SLC14A2: variants seen among roughly 807,000 people sequenced by gnomAD.
SLC14A2 encodes urea transporter 2.
Under a neutral mutation model 104.6 loss-of-function variants are expected in SLC14A2, and 91 were observed. That is an observed-to-expected ratio of 0.87 (90% CI 0.73 to 1.04). The LOEUF (loss-of-function observed/expected upper bound fraction) is 1.04, where lower values mean the gene tolerates loss of function less well. Ranked by LOEUF, SLC14A2 falls within the 50% of genes least tolerant of loss-of-function variation. SLC14A2 has a pLI of 0.00. For synonymous variants in SLC14A2, 476 were observed against 466.4 expected (o/e 1.02, Z -0.27); for missense variants, 1,189 against 1,156.0 (o/e 1.03, Z -0.41).
rs753899898 is a variant in SLC14A2 at position 45,632,415 on chromosome 18, T to C, written c.587T>C (p.Phe196Ser). 9 of 1,613,964 alleles carry C rather than the reference T, an allele frequency of 5.6e-6. No individual in the cohort carries two copies. The Admixed American group carries it at 1.5e-4, about 27-fold the overall frequency. The change falls in exon 5 of 20, where the codon TTC (phenylalanine) becomes TCC (serine). Residue 196 changes from phenylalanine (F) to serine (S), a missense_variant. By Grantham distance (155) the Phe-to-Ser change is radical. Coordinates refer to ENST00000255226, the MANE Select transcript of SLC14A2 (RefSeq NM_007163.4). The part of the protein sequence containing the change: ...GMLVGLLMAV[F>S]SEKLDYYWWL... Reference sequence around the variant, plus strand: ...CTGGTGGGACTGCTGATGGCCGTGTTCTCGGAGAAGTTAGACTACTACTGG... The same window carrying C: ...CTGGTGGGACTGCTGATGGCCGTGTCCTCGGAGAAGTTAGACTACTACTGG...
chr18:45,183,906 A>ATTT, the SLC14A2 span, among the ~76,000 whole-genome samples: 497 of 62,714 alleles, frequency 7.9e-3, 98 homozygotes, highest in Admixed American at 0.023. Flanking sequence ...TAATTTTCTA[A>ATTT]TTTTTTTTTT....
At chr18:45,393,523 G>C (rs2085995106) in intron 1 of SLC14A2, among the ~76,000 whole-genome samples, 1 of 152,148 alleles carries the variant, frequency 6.6e-6, no homozygotes, top group Non-Finnish European at 1.5e-5. Context: ...AATTATCCCT[G>C]TGCATCATGG....
intron 1 of SLC14A2, among the ~76,000 whole-genome samples, chr18:45,367,702 A>T (rs1210900813): frequency 6.6e-6 from 1 of 152,146 alleles, no homozygotes; most frequent in Admixed American, 6.5e-5. Context: ...CCATGATTCA[A>T]GTATTTACAC....
chr18:45,408,729 T>G (rs1178626707), intron 1 of SLC14A2, among the ~76,000 whole-genome samples: 1 of 151,790 alleles, frequency 6.6e-6, no homozygotes, highest in East Asian at 1.9e-4. Flanking sequence ...TCGTGAAAAT[T>G]CAAAATTGTT....
chr18:45,647,062 C>T (rs1367040005), intron 10 of SLC14A2: 3 of 152,274 alleles, frequency 2.0e-5, no homozygotes, highest in Non-Finnish European at 2.9e-5. Context: ...CTCTCCCTCT[C>T]CCAGTCTCTG....
intron 1 of SLC14A2, among the ~76,000 whole-genome samples, chr18:45,367,680 G>C (rs940304456): frequency 6.6e-6 from 1 of 152,120 alleles, no homozygotes; most frequent in African/African-American, 2.4e-5. Context: ...CACATTGGTA[G>C]CTTAATATTG....
chr18:45,482,333 C>A (rs1207363995), intron 1 of SLC14A2, among the ~76,000 whole-genome samples: 2 of 152,160 alleles, frequency 1.3e-5, no homozygotes, highest in African/African-American at 2.4e-5. Flanking sequence ...TGATTTGTAT[C>A]AGTTATCTAT....
intron 1 of SLC14A2, among the ~76,000 whole-genome samples, chr18:45,394,943 A>G (rs941633095): frequency 6.6e-6 from 1 of 152,226 alleles, no homozygotes; most frequent in East Asian, 1.9e-4. Flanking sequence ...TAGTCCTGCC[A>G]TATGATCCAG....
intron 2 of SLC14A2, among the ~76,000 whole-genome samples, chr18:45,539,327 T>C (rs1377896380): frequency 6.6e-6 from 1 of 152,220 alleles, no homozygotes; most frequent in Non-Finnish European, 1.5e-5. Context: ...AGGTTATGTC[T>C]ATCTGTAAGA....
At chr18:45,320,214 G>A (rs922031410) in intron 1 of SLC14A2, among the ~76,000 whole-genome samples, 4 of 152,136 alleles carry the variant, frequency 2.6e-5, no homozygotes, top group African/African-American at 9.7e-5. Context: ...AAGCTAACTA[G>A]GATAGTGGAA....
chr18:45,446,679 C>G lies in SLC14A2; in HGVS notation c.-124-36554C>G, dbSNP rs148241330. On this transcript the variant is annotated intron_variant, in intron 1 of 20. Coordinates refer to the SLC14A2 transcript ENST00000586448. ...CTCCCAAAATGTCCACTTTAAAGGACACAACTCATCTTCTTGCAGCCCTTT... is the reference window on the plus strand; with the variant it reads ...CTCCCAAAATGTCCACTTTAAAGGAGACAACTCATCTTCTTGCAGCCCTTT... Among the ~76,000 whole-genome samples, 3 of 152,314 alleles carry G rather than the reference C, an allele frequency of 2.0e-5. No homozygotes were observed. The East Asian group carries it at 5.8e-4, about 29-fold the overall frequency.
At chr18:45,505,623 T>C (rs1196109592) in intron 2 of SLC14A2, among the ~76,000 whole-genome samples, 1 of 152,142 alleles carries the variant, frequency 6.6e-6, no homozygotes, top group Non-Finnish European at 1.5e-5. Context: ...ATCTGGGACA[T>C]GGTATAATGC....
At chr18:45,326,640 T>C (rs1323466155) in intron 1 of SLC14A2, among the ~76,000 whole-genome samples, 7 of 152,180 alleles carry the variant, frequency 4.6e-5, no homozygotes, top group Middle Eastern at 3.2e-3. Context: ...ATTTTACTAG[T>C]GAGCAGGGTT....
the SLC14A2 span, among the ~76,000 whole-genome samples, chr18:45,193,873 C>T: frequency 6.6e-6 from 1 of 151,974 alleles, no homozygotes; most frequent in East Asian, 1.9e-4. Context: ...TTCTTTAGGC[C>T]TTCTTCAATT....
At chr18:45,614,310 C>T (rs535870780), upstream of SLC14A2, among the ~76,000 whole-genome samples, 4 of 152,346 alleles carry the variant, frequency 2.6e-5, no homozygotes, top group African/African-American at 9.6e-5. Context: ...AAGTTTGCTG[C>T]AGGGGTAGAG....
At chr18:45,328,420 C>CT (rs2144254646) in intron 1 of SLC14A2, among the ~76,000 whole-genome samples, 2 of 152,308 alleles carry the variant, frequency 1.3e-5, no homozygotes, top group East Asian at 3.9e-4. Flanking sequence ...AAAGCCAACT[C>CT]TGTCACAGCA....
intron 1 of SLC14A2, among the ~76,000 whole-genome samples, chr18:45,459,046 T>C (rs7228661): frequency 0.59 from 89,536 of 151,978 alleles, 26,507 homozygotes; most frequent in South Asian, 0.76. Context: ...TGAATAAGGG[T>C]TGATTTTCAG....
intron 2 of SLC14A2, among the ~76,000 whole-genome samples, chr18:45,500,490 T>C (rs1002078383): frequency 1.4e-5 from 2 of 143,986 alleles, no homozygotes; most frequent in Non-Finnish European, 3.0e-5. Context: ...GGCAGGAGAA[T>C]GGCGTGAACC....
At chr18:45,669,225 C>A in intron 15 of SLC14A2, 81 bp from the exon 16 acceptor site, 2 of 1,178,728 alleles carry the variant, frequency 1.7e-6, no homozygotes, top group Non-Finnish European at 2.4e-6. Flanking sequence ...TAGGAAGGCA[C>A]AGGGAGCCCC....
Sources: gnomAD v4.1 joint callset for allele counts (sites outside exome capture counted in the v4.1 genomes callset) on GRCh38, gnomAD v4.1.1 for gene constraint, MANE v1.5 for transcripts, NCBI Gene and HGNC (gene_info 2026-07-23, HGNC 2026-07-21) for gene names.